MED27: variants seen among roughly 807,000 people sequenced by gnomAD.
MED27 encodes the protein mediator complex subunit 27.
Under a neutral mutation model 38.2 loss-of-function variants are expected in MED27, and 30 were observed. That is an observed-to-expected ratio of 0.79 (90% CI 0.59 to 1.07). The LOEUF is 1.07. Among genes scored for constraint, MED27 ranks in the 50% least tolerant of loss-of-function variants. The pLI is 0.00. For missense variants in MED27, 289 were observed against 397.5 expected, an observed-to-expected ratio of 0.73 and a Z score of 2.32; for synonymous variants, 122 against 153.5, an observed-to-expected ratio of 0.79 and a Z score of 1.52.
intron 3 of MED27, among the ~76,000 whole-genome samples, chr9:131,961,707 C>T (rs1009100063): frequency 6.6e-6 from 1 of 152,208 alleles, no homozygotes; most frequent in Admixed American, 6.5e-5. Flanking sequence ...GCTGGGGAGG[C>T]GCTGCTTTCT....
At chr9:132,064,220 C>T (rs988568397) in intron 2 of MED27, among the ~76,000 whole-genome samples, 3 of 152,098 alleles carry the variant, frequency 2.0e-5, no homozygotes, top group Non-Finnish European at 2.9e-5. Flanking sequence ...GGTGGGTGAT[C>T]GGACACACCA....
At chr9:131,893,424 T>C (rs1459538651) in intron 5 of MED27, among the ~76,000 whole-genome samples, 1 of 152,142 alleles carries the variant, frequency 6.6e-6, no homozygotes, top group Non-Finnish European at 1.5e-5. Flanking sequence ...ACAGCAGTAT[T>C]CAATATATGC....
intron 2 of MED27, among the ~76,000 whole-genome samples, chr9:132,039,497 G>A (rs1445554688): frequency 6.6e-6 from 1 of 152,204 alleles, no homozygotes; most frequent in Admixed American, 6.5e-5. Context: ...ATTATGAGTC[G>A]TAACAGTGCA....
intron 2 of MED27, among the ~76,000 whole-genome samples, chr9:132,039,383 A>G (rs1261824225): frequency 6.6e-6 from 1 of 152,200 alleles, no homozygotes; most frequent in African/African-American, 2.4e-5. Context: ...ATAATAGTAC[A>G]CACGCCTCCA....
Position 132,014,462 on chromosome 9 carries a change from C to G in MED27, c.354G>C (p.Gln118His). The change falls in exon 3 of 8, where the codon CAG (glutamine) becomes CAC (histidine). Residue 118 changes from glutamine to histidine, a missense_variant. Transcript: ENST00000292035. ...GGCCAGATGCTAGTCCTGCATGGTA[C>G]TGCAACTGCAGAGAAAAACAAAACA... is the stretch of plus-strand genomic sequence containing the variant. ...LQAYKWSNKL[Q>H]YHAGLASGLL... is the part of the protein sequence containing the mutation. 6.2e-7 allele frequency: 1 copy of G among 1,611,262 alleles called. No homozygotes were observed. The highest frequency in any genetic ancestry group is 8.5e-7 in the Non-Finnish European group (1 of 1,179,122).
chr9:131,972,410 G>A (rs1831499388), intron 3 of MED27, among the ~76,000 whole-genome samples: 1 of 152,110 alleles, frequency 6.6e-6, no homozygotes, highest in Non-Finnish European at 1.5e-5. Context: ...TGCAGTTGAT[G>A]GACAAAGCAA....
chr9:132,020,813 T>G (rs1391929685), intron 2 of MED27, among the ~76,000 whole-genome samples: 1 of 151,132 alleles, frequency 6.6e-6, no homozygotes, highest in Non-Finnish European at 1.5e-5. Context: ...TTAGCTTCTT[T>G]CCTCCTTTTA....
chr9:132,001,825 T>C (rs1832241980), intron 3 of MED27, among the ~76,000 whole-genome samples: 1 of 152,244 alleles, frequency 6.6e-6, no homozygotes, highest in South Asian at 2.1e-4. Flanking sequence ...CCTCCATCGC[T>C]GGAGCAATCC....
At chr9:131,970,161 C>A (rs1831443949) in intron 3 of MED27, among the ~76,000 whole-genome samples, 1 of 152,236 alleles carries the variant, frequency 6.6e-6, no homozygotes, top group Admixed American at 6.5e-5. Context: ...TGCCCACAAA[C>A]CCTTACAAAA....
intron 2 of MED27, among the ~76,000 whole-genome samples, chr9:132,036,314 C>T (rs1257507773): frequency 6.6e-6 from 1 of 152,084 alleles, no homozygotes; most frequent in East Asian, 1.9e-4. Flanking sequence ...AGCTATCCTC[C>T]CGCCTCAGCC....
At chr9:132,019,254 G>C (rs534848586) in intron 2 of MED27, among the ~76,000 whole-genome samples, 3 of 152,190 alleles carry the variant, frequency 2.0e-5, no homozygotes, top group African/African-American at 7.2e-5. Flanking sequence ...ATAGTGCATT[G>C]AATACAGGTG....
intron 2 of MED27, among the ~76,000 whole-genome samples, chr9:132,025,220 G>A (rs1832793904): frequency 6.7e-6 from 1 of 149,424 alleles, no homozygotes. Flanking sequence ...TGCTCTTGTT[G>A]CCCAGGCTGG....
At chr9:132,044,189 C>G (rs1325293127) in intron 2 of MED27, among the ~76,000 whole-genome samples, 1 of 152,122 alleles carries the variant, frequency 6.6e-6, no homozygotes, top group Non-Finnish European at 1.5e-5. Context: ...GGGGCAGACA[C>G]AAGCCTGGCT....
At position 131,947,760 on chromosome 9, in the gene MED27, C is replaced by T. The variant is rs377690699; in HGVS notation, c.480-8286G>A. Among the ~76,000 whole-genome samples the T allele has an allele frequency of 9.9e-4, 150 of 151,918 alleles. 1 individual carries two copies. The highest frequency in any genetic ancestry group is 3.4e-3 in the African/African-American group (143 of 41,450). On this transcript the variant is annotated intron_variant, in intron 3 of 7. Transcript: ENST00000292035. ...TAGTGTGATGCTTAGCAGCTCGAGC[C>T]GGATTTAAATAGCACTTACCCCACA...
At chr9:131,916,288 C>T (rs6597535) in intron 4 of MED27, among the ~76,000 whole-genome samples, 131,103 of 152,308 alleles carry the variant, frequency 0.86, 56,553 homozygotes, top group Middle Eastern at 0.91. Flanking sequence ...ATTATTTACA[C>T]GCTTGGTCTA....
chr9:132,027,593 G>C (rs183275622), intron 2 of MED27, among the ~76,000 whole-genome samples: 1 of 152,220 alleles, frequency 6.6e-6, no homozygotes, highest in African/African-American at 2.4e-5. Flanking sequence ...CCCTAGCACA[G>C]TATAAAATGT....
chr9:131,874,071 G>A (rs13301117), intron 6 of MED27, among the ~76,000 whole-genome samples: 4 of 152,328 alleles, frequency 2.6e-5, no homozygotes, highest in East Asian at 3.9e-4. Context: ...GAGGCCTTGC[G>A]GACCTGGGTC....
intron 2 of MED27, among the ~76,000 whole-genome samples, chr9:132,036,493 C>T (rs945799924): frequency 1.3e-5 from 2 of 152,218 alleles, no homozygotes; most frequent in African/African-American, 4.8e-5. Flanking sequence ...TGAGCCACTG[C>T]GTCTGGCCGT....
At chr9:131,972,739 G>T (rs549863041) in intron 3 of MED27, among the ~76,000 whole-genome samples, 15 of 152,262 alleles carry the variant, frequency 9.9e-5, no homozygotes, top group African/African-American at 3.6e-4. Flanking sequence ...ATACCAAAAA[G>T]GCTAATCCCA....
Sources: allele counts gnomAD v4.1 joint callset (sites outside exome capture counted in the v4.1 genomes callset), GRCh38; gene constraint gnomAD v4.1.1; transcripts MANE v1.5; gene names NCBI Gene and HGNC (gene_info 2026-07-23, HGNC 2026-07-21).